RANBP17: variants seen among roughly 807,000 people sequenced by gnomAD.
RANBP17 encodes ran-binding protein 17.
In RANBP17, 158 loss-of-function variants were observed where a neutral mutation model predicts 141.2. The ratio of observed to expected loss-of-function variants is 1.12; its 90% CI spans 0.98 to 1.28. The LOEUF (loss-of-function observed/expected upper bound fraction) is 1.28, where lower values mean the gene tolerates loss of function less well. Ranked by LOEUF, RANBP17 falls within the 50% of genes most tolerant of loss-of-function variation. The pLI is 0.00. For synonymous variants in RANBP17, 430 were observed against 450.0 expected (o/e 0.96, Z 0.56); for missense variants, 1,438 against 1,290.7 (o/e 1.11, Z -1.75).
At chr5:171,056,191 C>A (rs1272983732) in intron 14 of RANBP17, among the ~76,000 whole-genome samples, 3 of 152,178 alleles carry the variant, frequency 2.0e-5, no homozygotes, top group African/African-American at 7.2e-5. Flanking sequence ...TAACTCCTGT[C>A]CTGACTTATC....
chr5:170,988,816 T>G (rs1173551558), intron 14 of RANBP17, among the ~76,000 whole-genome samples: 1 of 151,752 alleles, frequency 6.6e-6, no homozygotes, highest in Non-Finnish European at 1.5e-5. Context: ...CTCTTACTGT[T>G]TATTATTTTT....
chr5:171,050,442 A>G (rs1782882433), intron 14 of RANBP17, among the ~76,000 whole-genome samples: 1 of 152,180 alleles, frequency 6.6e-6, no homozygotes, highest in Non-Finnish European at 1.5e-5. Flanking sequence ...ACTGTAATAC[A>G]TATGTTATGT....
intron 16 of RANBP17, among the ~76,000 whole-genome samples, chr5:171,176,517 G>A (rs1760492658): frequency 6.6e-6 from 1 of 152,038 alleles, no homozygotes; most frequent in African/African-American, 2.4e-5. Flanking sequence ...CTGCCCTCGT[G>A]GATTTTAAAT....
intron 24 of RANBP17, among the ~76,000 whole-genome samples, chr5:171,256,782 A>T (rs900797758): frequency 6.6e-6 from 1 of 152,180 alleles, no homozygotes; most frequent in Non-Finnish European, 1.5e-5. Flanking sequence ...GAACAATGAT[A>T]TGCCCACCAA....
intron 1 of RANBP17, among the ~76,000 whole-genome samples, chr5:170,875,317 C>G (rs1247058652): frequency 6.6e-6 from 1 of 151,734 alleles, no homozygotes; most frequent in African/African-American, 2.4e-5. Flanking sequence ...TGGGGTTGAT[C>G]GTCTTACTGA....
chr5:171,193,022 G>C (rs531741066), intron 18 of RANBP17, among the ~76,000 whole-genome samples: 2 of 152,224 alleles, frequency 1.3e-5, no homozygotes, highest in African/African-American at 4.8e-5. Flanking sequence ...TTGGGAAATA[G>C]CAGATGATCT....
At chr5:171,195,002 T>C (rs1761879448) in intron 18 of RANBP17, among the ~76,000 whole-genome samples, 1 of 152,250 alleles carries the variant, frequency 6.6e-6, no homozygotes, top group South Asian at 2.1e-4. Context: ...TTTAAACATA[T>C]TCTCAGAGAC....
At chr5:171,251,808 C>T in intron 24 of RANBP17, 1 of 1,213,030 alleles carries the variant, frequency 8.2e-7, no homozygotes, top group South Asian at 1.2e-5. Context: ...ATGGTGCTGG[C>T]CGGATGTAAA....
At chr5:171,241,188 AAC>A (rs780084202) in intron 23 of RANBP17, 46 bp downstream of exon 23, 1 of 1,401,604 alleles carries the variant, frequency 7.1e-7, no homozygotes, top group South Asian at 1.2e-5. Flanking sequence ...AATGTGAAGT[AAC>A]ACCACCACAG....
At chr5:171,124,761 A>C (rs540690367) in intron 14 of RANBP17, among the ~76,000 whole-genome samples, 45 of 152,312 alleles carry the variant, frequency 3.0e-4, no homozygotes, top group East Asian at 5.8e-4. Flanking sequence ...ACAAAAAAAA[A>C]CCACCAAATC....
At chr5:171,060,782 C>A (rs905334052) in intron 14 of RANBP17, among the ~76,000 whole-genome samples, 15 of 152,082 alleles carry the variant, frequency 9.9e-5, no homozygotes, top group African/African-American at 3.6e-4. Context: ...GGCTGTGAAT[C>A]CATCTGGTCC....
intron 14 of RANBP17, among the ~76,000 whole-genome samples, chr5:171,097,751 A>G (rs1331209390): frequency 6.6e-6 from 1 of 151,590 alleles, no homozygotes; most frequent in Non-Finnish European, 1.5e-5. Flanking sequence ...CCAGTCATCT[A>G]CATTAGGTAT....
intron 25 of RANBP17, among the ~76,000 whole-genome samples, chr5:171,286,136 C>T (rs1344208449): frequency 2.6e-5 from 4 of 152,202 alleles, no homozygotes; most frequent in Non-Finnish European, 4.4e-5. Context: ...GCAAAAGCAT[C>T]CCTTAGCTTT....
At chr5:171,101,105 A>G (rs150602485) in intron 14 of RANBP17, among the ~76,000 whole-genome samples, 320 of 152,220 alleles carry the variant, frequency 2.1e-3, no homozygotes, top group African/African-American at 7.5e-3. Flanking sequence ...TTCTGTAGCT[A>G]TCTATTAGGT....
At chr5:171,000,105 G>A (rs529111415) in intron 14 of RANBP17, among the ~76,000 whole-genome samples, 1 of 152,036 alleles carries the variant, frequency 6.6e-6, no homozygotes, top group African/African-American at 2.4e-5. Flanking sequence ...TTATTCCCTT[G>A]TATATGTATA....
intron 3 of RANBP17, among the ~76,000 whole-genome samples, chr5:170,888,815 T>C (rs1769369140): frequency 6.6e-6 from 1 of 152,146 alleles, no homozygotes; most frequent in African/African-American, 2.4e-5. Flanking sequence ...CCATTAAATA[T>C]GATTTTAGCT....
chr5:171,268,623 G>A (rs1185726437), intron 25 of RANBP17, among the ~76,000 whole-genome samples: 2 of 151,812 alleles, frequency 1.3e-5, no homozygotes. Context: ...GCATGAAGAA[G>A]GTTGAGGATC....
rs566381315 is a variant in RANBP17 at position 171,077,065 on chromosome 5, C to T, written c.1711-93065C>T. Among the ~76,000 whole-genome samples, 6 of 152,214 alleles carry T rather than the reference C, an allele frequency of 3.9e-5. No individual in the cohort carries two copies. In the South Asian group the frequency reaches 6.2e-4, roughly 16 times the overall value. On this transcript the variant is annotated intron_variant, in intron 14 of 27. Coordinates refer to ENST00000523189, the MANE Select transcript of RANBP17 (RefSeq NM_022897.5). ...TAAAAAAGGTGTACAACATGCCGGG[C>T]GCATTGACTCACCCCTGTAATCCCA...
intron 27 of RANBP17, among the ~76,000 whole-genome samples, chr5:171,298,437 T>C (rs1287112950): frequency 6.6e-6 from 1 of 152,256 alleles, no homozygotes. Flanking sequence ...TTTGTTCTTT[T>C]TTTTATAATC....
Sources: gnomAD v4.1 joint callset for allele counts (sites outside exome capture counted in the v4.1 genomes callset) on GRCh38, gnomAD v4.1.1 for gene constraint, MANE v1.5 for transcripts, NCBI Gene and HGNC (gene_info 2026-07-23, HGNC 2026-07-21) for gene names.